The following FGF23 variants were observed in gnomAD, a reference collection of about 807,000 sequenced individuals.
FGF23 encodes phosphatonin.
In FGF23, 8 loss-of-function variants were observed where a neutral mutation model predicts 9.0. The observed-to-expected ratio is 0.89, with a 90% CI of 0.52 to 1.60. The LOEUF (loss-of-function observed/expected upper bound fraction) is 1.60. FGF23 is among the 40% of genes most tolerant of loss of function. The pLI is 0.00. For missense variants in FGF23, 311 were observed against 344.3 expected (o/e 0.90, Z 0.77); for synonymous variants, 118 against 146.2 (o/e 0.81, Z 1.39).
In FGF23 at chr12:4,369,013, C is replaced by A; in HGVS notation, c.*1330G>T. 1 of 227,368 alleles carries A rather than the reference C, an allele frequency of 4.4e-6. No individual in the cohort carries two copies. The highest frequency in any genetic ancestry group is 8.7e-6 in the Non-Finnish European group (1 of 114,458). The allele number at this position is 227,368 out of a possible 1,614,324, so 14.1% of individuals were successfully genotyped here. A position where few individuals can be genotyped will look rare whatever the true frequency, so the allele number is the denominator to read the frequency against. ...GTTAATATACTGTCCTTTAGGTGGT[C>A]ATTTAAAGAGAGGGAGGAAAATGGA... is the stretch of plus-strand genomic sequence containing the variant. On this transcript the variant is annotated 3_prime_UTR_variant, in exon 3 of 3. Transcript: ENST00000237837.
chr12:4,374,491 A>T (rs2120737208), intron 1 of FGF23, among the ~76,000 whole-genome samples: 1 of 152,188 alleles, frequency 6.6e-6, no homozygotes, highest in South Asian at 2.1e-4. Flanking sequence ...CTACTAAAAT[A>T]CAAAAAAAAT....
In FGF23 at chr12:4,369,324, G is replaced by C; in HGVS notation, c.*1019C>G. On this transcript the variant is annotated 3_prime_UTR_variant, in exon 3 of 3. Coordinates refer to ENST00000237837, the MANE Select transcript of FGF23 (RefSeq NM_020638.3). The stretch of plus-strand genomic sequence containing the variant: ...TTCAGTCCACAGAAAACCTAACCCA[G>C]AGCAGTCCCAGTCTCTCAAAGCCCC... 1 of 231,674 alleles carries C rather than the reference G, an allele frequency of 4.3e-6. No homozygotes were observed. The highest frequency in any genetic ancestry group is 8.5e-6 in the Non-Finnish European group (1 of 117,086). 14.4% of individuals were successfully genotyped at this position (231,674 alleles called of 1,614,324 possible). A position where few individuals can be genotyped will look rare whatever the true frequency, so the allele number is the denominator to read the frequency against.
At position 4,377,917 on chromosome 12, in the gene FGF23, A is replaced by T. The variant is rs114019546; in HGVS notation, c.211+1455T>A. Among the ~76,000 whole-genome samples the T allele has an allele frequency of 8.3e-3, 1,262 of 152,276 alleles. 16 individuals are homozygous for T. The highest frequency in any genetic ancestry group is 0.029 in the African/African-American group (1,213 of 41,546). Reference sequence around the variant, plus strand: ...GCCAGGCACATGGTAGATCCTATTAAATATCCATTGAATAAAATGAACAAC... The same window carrying T: ...GCCAGGCACATGGTAGATCCTATTATATATCCATTGAATAAAATGAACAAC... On this transcript the variant is annotated intron_variant, in intron 1 of 2. Transcript: ENST00000237837.
chr12:4,377,193 C>G (rs1406864294), intron 1 of FGF23, among the ~76,000 whole-genome samples: 1 of 152,022 alleles, frequency 6.6e-6, no homozygotes, highest in Non-Finnish European at 1.5e-5. Context: ...GACTGCCAGC[C>G]CAGGAGGTTG....
intron 1 of FGF23, among the ~76,000 whole-genome samples, chr12:4,376,091 T>C (rs1488219716): frequency 1.3e-5 from 2 of 152,146 alleles, no homozygotes; most frequent in African/African-American, 4.8e-5. Context: ...GAAATGATAT[T>C]ACCAGGGACA....
At chr12:4,378,917 A>G (rs1865147419) in intron 1 of FGF23, among the ~76,000 whole-genome samples, 1 of 152,166 alleles carries the variant, frequency 6.6e-6, no homozygotes, top group Admixed American at 6.5e-5. Context: ...ATTTATCTAT[A>G]ACAATCTGGG....
At position 4,372,612 on chromosome 12, in the gene FGF23, T is replaced by G; in HGVS notation, c.297A>C (p.Arg99Ser). 6.2e-7 allele frequency: 1 copy of G among 1,610,550 alleles called. No homozygotes were observed. The highest frequency in any genetic ancestry group is 2.2e-5 in the East Asian group (1 of 44,862). Residue 99 changes from arginine to serine, a missense_variant, in exon 2 of 3, where the codon AGA becomes AGC. Physicochemically the swap from Arg to Ser is moderately radical, Grantham distance 110. Coordinates refer to ENST00000237837, the MANE Select transcript of FGF23 (RefSeq NM_020638.3). ...AACTCACTGATCCAAAAATGTTGCC[T>G]CTGAAATCCATGCAGAGGTATCTTC... ...MSRRYLCMDF[R>S]GNIFGSHYFD...
Position 4,369,803 on chromosome 12 carries a change from GT to G in FGF23, c.*539del. ...GGAAGAACGAAGGCTTGAAAGTAGT[GT>G]TTTCATCAACTTGCCCCATTCAGCT... On this transcript the variant is annotated 3_prime_UTR_variant, in exon 3 of 3. Transcript: ENST00000237837. The G allele has an allele frequency of 4.3e-6, 1 of 230,304 alleles. No homozygotes were observed. The highest frequency in any genetic ancestry group is 5.6e-5 in the Admixed American group (1 of 17,712). The allele number at this position is 230,304 out of a possible 1,614,324, so 14.3% of individuals were successfully genotyped here.
chr12:4,373,526 T>C (rs1565456917), intron 1 of FGF23, among the ~76,000 whole-genome samples: 1 of 152,198 alleles, frequency 6.6e-6, no homozygotes. Flanking sequence ...GTTGGTTCTT[T>C]GTCATTTTCT....
intron 1 of FGF23, among the ~76,000 whole-genome samples, chr12:4,374,810 T>TAG (rs1565457229): frequency 2.0e-5 from 3 of 151,996 alleles, no homozygotes; most frequent in East Asian, 3.9e-4. Flanking sequence ...ATTATTATTA[T>TAG]TATTAGTAGT....
intron 2 of FGF23, 65 bp downstream of exon 2, chr12:4,372,529 A>G (rs1865075233): frequency 1.0e-6 from 1 of 994,848 alleles, no homozygotes; most frequent in Non-Finnish European, 1.6e-6. Context: ...AGAAAAGTCT[A>G]TGTCGTGTCA....
rs1565455759 is a variant in FGF23 at position 4,369,838 on chromosome 12, C to T, written c.*505G>A. The T allele has an allele frequency of 4.3e-6, 1 of 232,134 alleles. No homozygotes were observed. The highest frequency in any genetic ancestry group is 8.5e-6 in the Non-Finnish European group (1 of 117,622). The allele number at this position is 232,134 out of a possible 1,614,324, so 14.4% of individuals were successfully genotyped here. On this transcript the variant is annotated 3_prime_UTR_variant, in exon 3 of 3. Coordinates refer to ENST00000237837, the MANE Select transcript of FGF23 (RefSeq NM_020638.3). ...ACTTGCCCCATTCAGCTGTTAATGT[C>T]AAGGTTTGCACACTCAAATGCCAGT...
chr12:4,377,759 GT>G (rs200191607), intron 1 of FGF23, among the ~76,000 whole-genome samples: 9,859 of 152,116 alleles, frequency 0.065, 647 homozygotes, highest in East Asian at 0.25. Flanking sequence ...GAGTAAGGGT[GT>G]CCCCTCCATG....
At chr12:4,376,334 AATAAG>A (rs1264488429) in intron 1 of FGF23, among the ~76,000 whole-genome samples, 1 of 152,198 alleles carries the variant, frequency 6.6e-6, no homozygotes, top group Admixed American at 6.5e-5. Context: ...ACAGCAAAGT[AATAAG>A]ATAAACCAGA....
rs771865871 is a variant in FGF23, at chr12:4,379,634, C to T, written c.-52G>A. ...TGAGATTGAAACCTGACACTCCTGT[C>T]GGGACTCTCCTGGCCCAGGCCTTAC... On this transcript the variant is annotated 5_prime_UTR_variant, in exon 1 of 3. Transcript: ENST00000237837. 6.8e-6 allele frequency: 10 copies of T among 1,469,668 alleles called. No homozygotes were observed. Among genetic ancestry groups the T allele is most frequent in the Admixed American group, 2.0e-5 (1 of 51,158 alleles). The allele number at this position is 1,469,668 out of a possible 1,614,324, so 91.0% of individuals were successfully genotyped here.
At chr12:4,374,298 G>A (rs888157718) in intron 1 of FGF23, among the ~76,000 whole-genome samples, 1 of 152,222 alleles carries the variant, frequency 6.6e-6, no homozygotes, top group Non-Finnish European at 1.5e-5. Flanking sequence ...CTGCCTATGT[G>A]TCTCAAATGT....
chr12:4,371,125 G>A (rs1428949883), intron 2 of FGF23, among the ~76,000 whole-genome samples: 1 of 152,148 alleles, frequency 6.6e-6, no homozygotes, highest in African/African-American at 2.4e-5. Flanking sequence ...AAATTGGCTT[G>A]GGTTTGTCTC....
chr12:4,373,113 A>T (rs1181860522), intron 1 of FGF23, among the ~76,000 whole-genome samples: 2 of 152,194 alleles, frequency 1.3e-5, no homozygotes, highest in African/African-American at 4.8e-5. Flanking sequence ...ATGTCTTTCA[A>T]GGATCCAGCT....
Position 4,379,377 on chromosome 12 carries a change from A to G in FGF23, c.206T>C (p.Ile69Thr). ...GHVDGAPHQTIYSALMIRSED... is the reference protein window; with the variant it reads ...GHVDGAPHQTTYSALMIRSED... Reference sequence around the variant, plus strand: ...CAGCCTGAAGCCCTACTCACTGTAGATGGTCTGATGGGGTGCGCCATCCAC... The same window carrying G: ...CAGCCTGAAGCCCTACTCACTGTAGGTGGTCTGATGGGGTGCGCCATCCAC... The change falls in exon 1 of 3, where the codon ATC becomes ACC. Residue 69 changes from isoleucine (I) to threonine (T), a missense_variant. Transcript: ENST00000237837. 6.2e-7 allele frequency: 1 copy of G among 1,611,332 alleles called. No individual in the cohort carries two copies. The highest frequency in any genetic ancestry group is 8.5e-7 in the Non-Finnish European group (1 of 1,179,720).
Sources: allele counts gnomAD v4.1 joint callset (sites outside exome capture counted in the v4.1 genomes callset), GRCh38; gene constraint gnomAD v4.1.1; transcripts MANE v1.5; gene names NCBI Gene and HGNC (gene_info 2026-07-23, HGNC 2026-07-21).